RNF213: variants seen among roughly 807,000 people sequenced by gnomAD.
RNF213 encodes the protein ring finger protein 213, also known as E3 ubiquitin-protein ligase RNF213.
RNF213 carries 341 observed loss-of-function variants against 514.4 expected under a neutral mutation model. The ratio of observed to expected loss-of-function variants is 0.66; its 90% confidence interval spans 0.61 to 0.73. The LOEUF is 0.73. Among genes scored for constraint, RNF213 ranks in the 30% least tolerant of loss-of-function variants. The pLI, the probability that RNF213 is intolerant of heterozygous loss-of-function variation, is 0.00. For synonymous variants in RNF213, 2,655 were observed against 2,658.2 expected (o/e 1.00, Z 0.04); for missense variants, 5,767 against 6,615.6 (o/e 0.87, Z 4.45).
At position 80,354,037 on chromosome 17, in the gene RNF213, A is replaced by C; in HGVS notation, c.10597A>C (p.Thr3533Pro). 1 of 1,613,886 alleles carries C rather than the reference A, an allele frequency of 6.2e-7. No individual in the cohort carries two copies. The highest frequency in any genetic ancestry group is 8.5e-7 in the Non-Finnish European group (1 of 1,180,022). Residue 3533 changes from threonine (T) to proline (P), a missense_variant, in exon 35 of 68, where the codon ACC becomes CCC. By Grantham distance (38) the Thr-to-Pro change is conservative (BLOSUM62 -1). Coordinates refer to ENST00000582970, the MANE Select transcript of RNF213 (RefSeq NM_001256071.3). ...GGSDVSILDTTRLLRSCVQSA... is the reference protein window; with the variant it reads ...GGSDVSILDTPRLLRSCVQSA... ...CCAACAGGTGTCGATCCTGGACACCACCAGGCTGCTGAGAAGCTGTGTGCA... is the reference window on the plus strand; with the variant it reads ...CCAACAGGTGTCGATCCTGGACACCCCCAGGCTGCTGAGAAGCTGTGTGCA...
In RNF213 at chr17:80,376,335, G is replaced by A; in HGVS notation, c.13220G>A (p.Cys4407Tyr). 1 of 1,614,216 alleles carries A rather than the reference G, an allele frequency of 6.2e-7. No individual in the cohort carries two copies. Among genetic ancestry groups the A allele is most frequent in the Non-Finnish European group, 8.5e-7 (1 of 1,180,040 alleles). ...GCTGTGAGCAAATTCATTGGCGAATGCAAGATCCTTTCACCTCCTGATATC... is the reference window on the plus strand; with the variant it reads ...GCTGTGAGCAAATTCATTGGCGAATACAAGATCCTTTCACCTCCTGATATC... ...CEAVSKFIGE[C>Y]KILSPPDISR... The change falls in exon 52 of 68, where the codon TGC (cysteine) becomes TAC (tyrosine). Residue 4407 changes from cysteine to tyrosine, a missense_variant. By Grantham distance (194) the Cys-to-Tyr change is radical (BLOSUM62 -2). This residue lies in a region of RNF213 where 1,245 missense variants were observed against 1,339.0 expected (regional missense o/e 0.93). Transcript: ENST00000582970.
At chr17:80,373,774 A>C in intron 49 of RNF213, among the ~76,000 whole-genome samples, 1 of 152,074 alleles carries the variant, frequency 6.6e-6, no homozygotes, top group South Asian at 2.1e-4. Context: ...AGGCAGGCGG[A>C]TCACTTGTGG....
rs1193513430 is a variant in RNF213, at chr17:80,278,972, G to A, written c.261+5568G>A. On this transcript the variant is annotated intron_variant, in intron 3 of 67. Transcript: ENST00000582970. ...GCCCTGGTGCATGCTGGCACAGCCT[G>A]GCACGGCCACCTCGCACTTCCGGCC... The A allele has an allele frequency of 5.2e-6, 8 of 1,525,972 alleles. No homozygotes were observed. The African/African-American group carries it at 5.5e-5, about 10-fold the overall frequency. 94.5% of individuals were successfully genotyped at this position (1,525,972 alleles called of 1,614,324 possible).
Position 80,345,356 on chromosome 17 carries a change from A to C in RNF213, c.7021A>C (p.Ile2341Leu). 6.2e-7 allele frequency: 1 copy of C among 1,614,138 alleles called. No homozygotes were observed. The highest frequency in any genetic ancestry group is 1.3e-5 in the African/African-American group (1 of 75,036). The change falls in exon 29 of 68, where the codon ATC (isoleucine) becomes CTC (leucine). Residue 2341 changes from isoleucine (I) to leucine (L), a missense_variant. By Grantham distance (5) the Ile-to-Leu change is conservative (BLOSUM62 2). Transcript: ENST00000582970. This position sits in a 1 kb window ranked among gnomAD's most constrained non-coding sequence, Gnocchi z 6.0. ...CATCAGTCACTTGACTGGGAAGGTC[A>C]TCAAGAGAGACGTCATGACCAGGGA... ...DAISHLTGKV[I>L]KRDVMTRDLY...
chr17:80,319,323 TCTC>T lies in RNF213; in HGVS notation c.3024+17_3024+19del, dbSNP rs1175070276. On this transcript the variant is annotated intron_variant, in intron 17 of 67. Coordinates refer to ENST00000582970, the MANE Select transcript of RNF213 (RefSeq NM_001256071.3). Reference sequence around the variant, plus strand: ...AGCTCAGCCTGCCAGGTGAACAATCTCTCCTCCTGGGAAACGGATTCGGGCTCA... The same window carrying T: ...AGCTCAGCCTGCCAGGTGAACAATCTCTCCTGGGAAACGGATTCGGGCTCA... 1.9e-6 allele frequency: 3 copies of T among 1,614,004 alleles called. No homozygotes were observed. Among genetic ancestry groups the T allele is most frequent in the East Asian group, 2.2e-5 (1 of 44,882 alleles).
At chr17:80,382,590 C>A (rs1249461213) in intron 57 of RNF213, 1 of 245,868 alleles carries the variant, frequency 4.1e-6, no homozygotes, top group African/African-American at 2.3e-5. Context: ...ATGACAGAAT[C>A]CTGGAAGCAG....
Position 80,346,387 on chromosome 17 carries a change from G to T in RNF213, c.8052G>T (p.Ser2684=). ...NHTERDPVLW[S]LMLAIGVCYH... Reference sequence around the variant, plus strand: ...CCGAGAGAGATCCCGTCCTCTGGTCGTTGATGCTGGCCATCGGGGTGTGTT... The same window carrying T: ...CCGAGAGAGATCCCGTCCTCTGGTCTTTGATGCTGGCCATCGGGGTGTGTT... The change falls in exon 29 of 68, where the codon TCG becomes TCT. Residue 2684 remains serine, a synonymous_variant. Coordinates refer to ENST00000582970, the MANE Select transcript of RNF213 (RefSeq NM_001256071.3). The surrounding 1 kb of genome is among the most constrained non-coding windows in gnomAD (Gnocchi z 8.1). 2 of 1,613,386 alleles carry T rather than the reference G, an allele frequency of 1.2e-6. No individual in the cohort carries two copies. Among genetic ancestry groups the T allele is most frequent in the Non-Finnish European group, 1.7e-6 (2 of 1,180,008 alleles).
intron 37 of RNF213, among the ~76,000 whole-genome samples, chr17:80,358,827 T>G (rs1261748315): frequency 6.6e-6 from 1 of 152,108 alleles, no homozygotes; most frequent in Non-Finnish European, 1.5e-5. Flanking sequence ...GAGAATTGCT[T>G]GAACCTGGGA....
At chr17:80,391,071 CAAAA>C (rs889698683) in intron 67 of RNF213, among the ~76,000 whole-genome samples, 2 of 151,204 alleles carry the variant, frequency 1.3e-5, no homozygotes, top group Non-Finnish European at 3.0e-5. Context: ...CAAAAACAAA[CAAAA>C]AAAAGAATAG....
At position 80,351,536 on chromosome 17, in the gene RNF213, A is replaced by G. The variant is rs1381790818; in HGVS notation, c.10185-149A>G. 2.8e-5 allele frequency: 17 copies of G among 601,484 alleles called. 1 individual carries two copies. In the East Asian group the frequency reaches 5.0e-4, roughly 18 times the overall value. 37.3% of individuals were successfully genotyped at this position (601,484 alleles called of 1,614,324 possible). Reference sequence around the variant, plus strand: ...GATCGCAGGGCTCTGAAGTTTATGTAAAACTCATCGGAACGGGTGGCCGTG... The same window carrying G: ...GATCGCAGGGCTCTGAAGTTTATGTGAAACTCATCGGAACGGGTGGCCGTG... On this transcript the variant is annotated intron_variant, in intron 31 of 67. Transcript: ENST00000582970.
chr17:80,306,555 T>TA, intron 12 of RNF213, 87 bp downstream of exon 12: 3 of 1,364,056 alleles, frequency 2.2e-6, no homozygotes, highest in Non-Finnish European at 3.1e-6. Flanking sequence ...TTCTTATTCC[T>TA]AAAAAACAGA....
chr17:80,383,078 G>GT lies in RNF213; in HGVS notation c.14070+9dup. ...ATTTCTCCTGAACTGGAGGTAAGCA[G>GT]TAAGTGCTGACAGCTGGGTTGCTCC... On this transcript the variant is annotated intron_variant, in intron 58 of 67. Coordinates refer to ENST00000582970, the MANE Select transcript of RNF213 (RefSeq NM_001256071.3). 1 of 1,602,188 alleles carries GT rather than the reference G, an allele frequency of 6.2e-7. No homozygotes were observed. Among genetic ancestry groups the GT allele is most frequent in the South Asian group, 1.1e-5 (1 of 90,850 alleles).
chr17:80,340,489 G>A, intron 26 of RNF213, 133 bp downstream of exon 26: 2 of 837,042 alleles, frequency 2.4e-6, no homozygotes, highest in South Asian at 1.7e-5. Flanking sequence ...ATCTGTGGGT[G>A]TCAATCAGGG....
At position 80,375,894 on chromosome 17, in the gene RNF213, T is replaced by A. The variant is rs2079736767; in HGVS notation, c.13185+24T>A. The A allele has an allele frequency of 2.1e-6, 3 of 1,451,138 alleles. No homozygotes were observed. The East Asian group carries it at 6.8e-5, about 33-fold the overall frequency. 89.9% of individuals were successfully genotyped at this position (1,451,138 alleles called of 1,614,324 possible). On this transcript the variant is annotated intron_variant, in intron 51 of 67. Coordinates refer to ENST00000582970, the MANE Select transcript of RNF213 (RefSeq NM_001256071.3). ...AGGTGAGTAACCGCCTGCAGGGCTG[T>A]GTTCAAAGTCTCAGTATTTGGAGGG...
At chr17:80,389,737 C>T (rs2080385943) in intron 65 of RNF213, 91 bp from the exon 66 acceptor site, 1 of 1,039,384 alleles carries the variant, frequency 9.6e-7, no homozygotes, top group African/African-American at 1.6e-5. Context: ...AGAAGAATGC[C>T]TGTGTGGAGA....
At chr17:80,272,531 C>T (rs192799555) in intron 2 of RNF213, among the ~76,000 whole-genome samples, 25 of 152,312 alleles carry the variant, frequency 1.6e-4, no homozygotes, top group Non-Finnish European at 3.4e-4. Flanking sequence ...ACAAGCCTCT[C>T]AAGAGTAAAC....
chr17:80,392,361 T>C (rs1228234605), intron 67 of RNF213, among the ~76,000 whole-genome samples: 1 of 152,216 alleles, frequency 6.6e-6, no homozygotes, highest in Non-Finnish European at 1.5e-5. Context: ...AAACATGTAA[T>C]AGAATACAAG....
chr17:80,392,012 C>T (rs543846958), intron 67 of RNF213, among the ~76,000 whole-genome samples: 1 of 151,954 alleles, frequency 6.6e-6, no homozygotes, highest in Non-Finnish European at 1.5e-5. Context: ...AAGTGATCTG[C>T]CCGTCTCGGC....
rs190408411 is a variant in RNF213 at position 80,286,805 on chromosome 17, G to T, written c.262-1010G>T. ...TTTCCTGTACTGACCTGATCCACAC[G>T]CACCCCTGAGTACTGCCCCCTGGGA... On this transcript the variant is annotated intron_variant, in intron 3 of 67. Transcript: ENST00000582970. Among the ~76,000 whole-genome samples, 460 of 152,114 alleles carry T rather than the reference G, an allele frequency of 3.0e-3. 2 individuals are homozygous for T. The highest frequency in any genetic ancestry group is 0.01 in the African/African-American group (424 of 41,472).
Sources: allele counts gnomAD v4.1 joint callset (sites outside exome capture counted in the v4.1 genomes callset), GRCh38; gene constraint gnomAD v4.1.1; regional missense constraint gnomAD v4.1.1; non-coding constraint Gnocchi (gnomAD v3.1); transcripts MANE v1.5; gene names NCBI Gene and HGNC (gene_info 2026-07-23, HGNC 2026-07-21).